The following KIF6 variants were observed in gnomAD, a reference collection of about 807,000 sequenced individuals.
KIF6 encodes the protein kinesin family member 6.
Under a neutral mutation model 112.7 loss-of-function variants are expected in KIF6, and 106 were observed. The observed-to-expected ratio is 0.94, with a 90% CI of 0.80 to 1.11. KIF6 has a LOEUF of 1.11. Among genes scored for constraint, KIF6 ranks in the 50% least tolerant of loss-of-function variants. The pLI is 0.00. For missense variants in KIF6, 929 were observed against 964.0 expected (o/e 0.96, Z 0.48); for synonymous variants, 339 against 339.9 (o/e 1.00, Z 0.03).
chr6:39,343,778 C>T lies in KIF6; in HGVS notation c.2359G>A (p.Gly787Arg), dbSNP rs139582255. 3.9e-3 allele frequency: 6,239 copies of T among 1,612,614 alleles called. 21 individuals carry two copies. Among genetic ancestry groups the T allele is most frequent in the Non-Finnish European group, 4.8e-3 (5,623 of 1,179,428 alleles). ...ATGTCCGAGTCCGTCTGGCTGTCTC[C>T]GGTGAGAGGGATGGACGACACTGGC... is the stretch of plus-strand genomic sequence containing the variant. ...KRPVSSIPLT[G>R]DSQTDSDIIA... The change falls in exon 22 of 23, where the codon GGA becomes AGA. Residue 787 changes from glycine (G) to arginine (R), a missense_variant. By Grantham distance (125) the Gly-to-Arg change is moderately radical. Coordinates refer to ENST00000287152, the MANE Select transcript of KIF6 (RefSeq NM_145027.6). The surrounding 1 kb of genome is among the most constrained non-coding windows in gnomAD (Gnocchi z 4.1).
At chr6:39,563,881 AG>A (rs1780147272) in intron 10 of KIF6, among the ~76,000 whole-genome samples, 2 of 152,208 alleles carry the variant, frequency 1.3e-5, no homozygotes, top group Non-Finnish European at 2.9e-5. Flanking sequence ...TTTACCAAAA[AG>A]GTTGGCCAAA....
At chr6:39,404,356 A>T (rs1277216603) in intron 15 of KIF6, among the ~76,000 whole-genome samples, 1 of 152,156 alleles carries the variant, frequency 6.6e-6, no homozygotes, top group Non-Finnish European at 1.5e-5. Context: ...ATGGTGTAAG[A>T]TTACATTGAG....
At chr6:39,627,549 A>G (rs147819863) in intron 5 of KIF6, among the ~76,000 whole-genome samples, 167 of 152,278 alleles carry the variant, frequency 1.1e-3, no homozygotes, top group South Asian at 4.3e-3. Context: ...GAGACTGTGC[A>G]TTAATTTTTT....
chr6:39,656,139 G>A (rs1344946271), intron 3 of KIF6, among the ~76,000 whole-genome samples: 1 of 152,176 alleles, frequency 6.6e-6, no homozygotes, highest in Non-Finnish European at 1.5e-5. Context: ...CAAAAGTAAA[G>A]AATAAATGTG....
intron 13 of KIF6, among the ~76,000 whole-genome samples, chr6:39,533,080 C>T (rs745466609): frequency 2.6e-5 from 4 of 152,182 alleles, no homozygotes; most frequent in Non-Finnish European, 4.4e-5. Context: ...CCAGCGTGAG[C>T]GACGCAGAAG....
intron 19 of KIF6, among the ~76,000 whole-genome samples, chr6:39,352,257 G>A (rs1302097927): frequency 6.6e-6 from 1 of 152,204 alleles, no homozygotes; most frequent in East Asian, 1.9e-4. Flanking sequence ...TATAACTGGT[G>A]AATGAATATA....
At position 39,340,706 on chromosome 6, in the gene KIF6, C is replaced by A. The variant is rs1310598728; in HGVS notation, c.2428+3003G>T. Among the ~76,000 whole-genome samples, 4 of 152,320 alleles carry A rather than the reference C, an allele frequency of 2.6e-5. No individual in the cohort carries two copies. The East Asian group carries it at 7.7e-4, about 29-fold the overall frequency. On this transcript the variant is annotated intron_variant, in intron 22 of 22. Coordinates refer to ENST00000287152, the MANE Select transcript of KIF6 (RefSeq NM_145027.6). ...GCCTGCCCTTCAATCCAGCTCTCTGCACTGCCTGGGGACAGTGTTAGCAGG... is the reference window on the plus strand; with the variant it reads ...GCCTGCCCTTCAATCCAGCTCTCTGAACTGCCTGGGGACAGTGTTAGCAGG...
intron 13 of KIF6, among the ~76,000 whole-genome samples, chr6:39,468,965 T>A (rs758572482): frequency 3.3e-5 from 5 of 152,078 alleles, no homozygotes; most frequent in African/African-American, 4.8e-5. Context: ...AGCAAAGCTG[T>A]CCTGGAGTAA....
At chr6:39,353,811 T>C (rs1286542857) in intron 19 of KIF6, 3 of 359,256 alleles carry the variant, frequency 8.4e-6, no homozygotes, top group Non-Finnish European at 1.6e-5. Context: ...GTGTCCGGCA[T>C]GCAGCAGATG....
At chr6:39,708,487 C>T (rs1360181953) in intron 3 of KIF6, among the ~76,000 whole-genome samples, 1 of 152,120 alleles carries the variant, frequency 6.6e-6, no homozygotes, top group Non-Finnish European at 1.5e-5. Flanking sequence ...AGTGTAGGTG[C>T]CTTAGCTGTT....
chr6:39,515,990 A>G (rs1777066062), intron 13 of KIF6, among the ~76,000 whole-genome samples: 1 of 152,178 alleles, frequency 6.6e-6, no homozygotes, highest in East Asian at 1.9e-4. Flanking sequence ...ATGCTCCAAA[A>G]TTTGAAATGT....
intron 15 of KIF6, among the ~76,000 whole-genome samples, chr6:39,415,258 G>A (rs1480576046): frequency 1.5e-5 from 2 of 133,620 alleles, no homozygotes; most frequent in Non-Finnish European, 3.1e-5. Context: ...CTAAGACAAT[G>A]TCAACTAGAA....
chr6:39,540,108 C>A lies in KIF6; in HGVS notation c.1540G>T (p.Gly514Ter). Residue 514 changes from glycine to a stop codon, truncating the protein, a stop_gained, in exon 13 of 23, where the codon GGA (glycine) becomes TGA (stop). Coordinates refer to ENST00000287152, the MANE Select transcript of KIF6 (RefSeq NM_145027.6). LOFTEE classifies it high-confidence loss of function. ...ATTCTTTGACCTTCTTCTGGGTTTC[C>A]TAGGCGGAAGGGTGGGCTCTGGGAC... ...RQSQSPPFRL[G>*]NPEEGQRMRL... 1 of 1,614,062 alleles carries A rather than the reference C, an allele frequency of 6.2e-7. No homozygotes were observed. Among genetic ancestry groups the A allele is most frequent in the Non-Finnish European group, 8.5e-7 (1 of 1,179,952 alleles).
chr6:39,355,757 T>C (rs1177495226), intron 19 of KIF6, among the ~76,000 whole-genome samples: 1 of 150,286 alleles, frequency 6.7e-6, no homozygotes, highest in East Asian at 2.0e-4. Flanking sequence ...CCACCACGCC[T>C]GGACAATAGT....
At chr6:39,381,649 T>A (rs542753947) in intron 16 of KIF6, among the ~76,000 whole-genome samples, 1 of 152,278 alleles carries the variant, frequency 6.6e-6, no homozygotes, top group South Asian at 2.1e-4. Flanking sequence ...TGCGGCCACC[T>A]GGGACACACA....
chr6:39,639,935 G>C (rs1784821591), intron 3 of KIF6, among the ~76,000 whole-genome samples, 178 bp from the exon 4 acceptor site: 1 of 152,004 alleles, frequency 6.6e-6, no homozygotes, highest in African/African-American at 2.4e-5. Context: ...TCTAGGAACA[G>C]CAGCACATCA....
intron 13 of KIF6, among the ~76,000 whole-genome samples, chr6:39,523,041 C>G (rs1330625606): frequency 6.6e-6 from 1 of 152,170 alleles, no homozygotes; most frequent in Non-Finnish European, 1.5e-5. Context: ...ATTCCCATCT[C>G]GTGCTCATTC....
Position 39,544,651 on chromosome 6 carries a change from A to G in KIF6, c.1330T>C (p.Ser444Pro), listed in dbSNP as rs1342474460. 2.5e-6 allele frequency: 4 copies of G among 1,610,342 alleles called. No homozygotes were observed. Among genetic ancestry groups the G allele is most frequent in the Non-Finnish European group, 2.5e-6 (3 of 1,178,608 alleles). The part of the protein sequence containing the change: ...DKKILENNTV[S>P]SESKDQDCQE... ...CAATCTTGGTCTTTGCTTTCAGAGG[A>G]GACTGTATTGTTTTCAAGGATCTTC... The change falls in exon 12 of 23, where the codon TCC becomes CCC. Residue 444 changes from serine (S) to proline (P), a missense_variant. By Grantham distance (74) the Ser-to-Pro change is moderately conservative. This residue lies in a region of KIF6 where 688 missense variants were observed against 662.7 expected (regional missense o/e 1.04). Coordinates refer to ENST00000287152, the MANE Select transcript of KIF6 (RefSeq NM_145027.6).
intron 3 of KIF6, among the ~76,000 whole-genome samples, chr6:39,656,262 G>A (rs564796805): frequency 2.0e-5 from 3 of 152,242 alleles, no homozygotes; most frequent in African/African-American, 7.2e-5. Context: ...CTAAGTCCAA[G>A]TTCTCCAGTT....
Sources: gnomAD v4.1 joint callset for allele counts (sites outside exome capture counted in the v4.1 genomes callset) on GRCh38, gnomAD v4.1.1 for gene constraint, gnomAD v4.1.1 regional missense constraint, Gnocchi (gnomAD v3.1) non-coding constraint, MANE v1.5 for transcripts, NCBI Gene and HGNC (gene_info 2026-07-23, HGNC 2026-07-21) for gene names.